Variants in CUX1 observed in about 807,000 individuals in gnomAD.
CUX1 encodes cut like homeobox 1, also known as protein CASP.
Under a neutral mutation model 158.8 loss-of-function variants are expected in CUX1, and 31 were observed. The observed-to-expected ratio is 0.20, with a 90% CI of 0.15 to 0.26. The LOEUF (loss-of-function observed/expected upper bound fraction) is 0.26. CUX1 is among the 10% of genes least tolerant of loss of function. The pLI, the probability that CUX1 is intolerant of heterozygous loss-of-function variation, is 1.00. For synonymous variants in CUX1, 879 were observed against 862.1 expected (o/e 1.02, Z -0.34); for missense variants, 1,589 against 2,014.6 (o/e 0.79, Z 4.04).
chr7:102,178,955 C>T (rs543002193), intron 11 of CUX1, among the ~76,000 whole-genome samples: 1 of 152,360 alleles, frequency 6.6e-6, no homozygotes, highest in South Asian at 2.1e-4. Context: ...GCCTCCGCCT[C>T]CCAGGTTCAA....
chr7:102,141,157 T>C (rs1554500094), intron 8 of CUX1, among the ~76,000 whole-genome samples: 2 of 152,022 alleles, frequency 1.3e-5, no homozygotes, highest in East Asian at 1.9e-4. Flanking sequence ...CGCTGAATTA[T>C]TCATTTTCAA....
chr7:101,829,544 C>T (rs1793749741), intron 1 of CUX1, among the ~76,000 whole-genome samples: 1 of 152,072 alleles, frequency 6.6e-6, no homozygotes, highest in African/African-American at 2.4e-5. Context: ...TCCCGACCTG[C>T]GCTGTTCCCT....
intron 20 of CUX1, among the ~76,000 whole-genome samples, chr7:102,216,542 A>G (rs427379): frequency 2.6e-5 from 2 of 76,652 alleles, no homozygotes; most frequent in East Asian, 2.0e-3. Context: ...CCCCACACAC[A>G]CACACCCACA....
chr7:102,085,522 C>T (rs60012967), intron 4 of CUX1, among the ~76,000 whole-genome samples: 8,446 of 150,452 alleles, frequency 0.056, 747 homozygotes, highest in African/African-American at 0.2. Context: ...TCCCGCTTTG[C>T]TTGTCACTCC....
In CUX1 at chr7:101,869,206, C is replaced by T. The variant is rs1446711054; in HGVS notation, c.31-46909C>T. 6.6e-6 allele frequency among the ~76,000 whole-genome samples: 1 copy of T among 152,058 alleles called. No homozygotes were observed. The highest frequency in any genetic ancestry group is 1.5e-5 in the Non-Finnish European group (1 of 67,990). On this transcript the variant is annotated intron_variant, in intron 1 of 23. Transcript: ENST00000292535. This position sits in a 1 kb window ranked among gnomAD's most constrained non-coding sequence, Gnocchi z 4.5. ...GGGAGACCAGGATGAGCCCCATGTG[C>T]GCGTGACCTGTGGCAGAGGGGCTGT...
intron 20 of CUX1, among the ~76,000 whole-genome samples, chr7:102,226,149 G>A (rs1379543687): frequency 6.6e-6 from 1 of 152,204 alleles, no homozygotes; most frequent in African/African-American, 2.4e-5. Context: ...CACCAACAGA[G>A]CCCAGCTGGC....
intron 11 of CUX1, among the ~76,000 whole-genome samples, chr7:102,184,774 G>A (rs1793467296): frequency 6.6e-6 from 1 of 152,136 alleles, no homozygotes; most frequent in African/African-American, 2.4e-5. Context: ...AGCCTCCCAA[G>A]TAGCTGGAAC....
At chr7:102,183,659 A>G (rs1793355086) in intron 11 of CUX1, among the ~76,000 whole-genome samples, 1 of 151,714 alleles carries the variant, frequency 6.6e-6, no homozygotes, top group South Asian at 2.1e-4. Context: ...TGTGCCTCAG[A>G]CCCCTGCCCT....
At chr7:102,056,571 A>G (rs1824154795) in intron 3 of CUX1, among the ~76,000 whole-genome samples, 1 of 152,194 alleles carries the variant, frequency 6.6e-6, no homozygotes, top group East Asian at 1.9e-4. Context: ...CAGAATAAAA[A>G]AAGGTTCTTT....
At chr7:102,138,380 A>G (rs1834119400) in intron 8 of CUX1, among the ~76,000 whole-genome samples, 1 of 152,054 alleles carries the variant, frequency 6.6e-6, no homozygotes. Flanking sequence ...AATTCACAGT[A>G]TCTCTGTCCT....
At chr7:102,077,196 C>T (rs1826850403) in intron 4 of CUX1, among the ~76,000 whole-genome samples, 1 of 151,754 alleles carries the variant, frequency 6.6e-6, no homozygotes, top group Admixed American at 6.6e-5. Context: ...CAACTGGGGC[C>T]AGGAGAAGAA....
Position 101,890,523 on chromosome 7 carries a change from GC to G in CUX1, c.31-25589del, listed in dbSNP as rs373445997. ...TGAGGGGTGCAAAGTGCTCAGCAAG[GC>G]CCGGCACCAGGTTTGTTCTTGGGAT... On this transcript the variant is annotated intron_variant, in intron 1 of 23. Coordinates refer to ENST00000292535, the MANE Select transcript of CUX1 (RefSeq NM_181552.4). 5.6e-3 allele frequency among the ~76,000 whole-genome samples: 854 copies of G among 152,192 alleles called. 9 individuals carry two copies. The highest frequency in any genetic ancestry group is 0.02 in the African/African-American group (818 of 41,506).
At chr7:101,981,445 G>A (rs190852110) in intron 2 of CUX1, among the ~76,000 whole-genome samples, 21 of 152,318 alleles carry the variant, frequency 1.4e-4, no homozygotes, top group African/African-American at 4.3e-4. Context: ...CCTGGGCTAC[G>A]TGGAATAGCC....
At chr7:101,864,800 C>G (rs759405886) in intron 1 of CUX1, among the ~76,000 whole-genome samples, 3 of 152,184 alleles carry the variant, frequency 2.0e-5, no homozygotes, top group Non-Finnish European at 4.4e-5. Context: ...ATCCACCTGC[C>G]TTGGCCTCCC....
intron 3 of CUX1, among the ~76,000 whole-genome samples, chr7:102,064,933 C>T (rs770582725): frequency 6.6e-6 from 1 of 152,074 alleles, no homozygotes; most frequent in Non-Finnish European, 1.5e-5. Flanking sequence ...TTTGAGTGGA[C>T]GGAGAGGTTA....
chr7:102,127,191 AT>A (rs1273326834), intron 8 of CUX1, among the ~76,000 whole-genome samples: 1 of 152,100 alleles, frequency 6.6e-6, no homozygotes, highest in Non-Finnish European at 1.5e-5. Context: ...CCTGATCTAT[AT>A]AGTGCTTTCT....
intron 21 of CUX1, among the ~76,000 whole-genome samples, chr7:102,227,957 T>TC (rs1554529291): frequency 2.1e-5 from 3 of 145,206 alleles, no homozygotes; most frequent in South Asian, 2.2e-4. Context: ...TTTTCTTTTT[T>TC]TTTTTTTTTT....
At chr7:102,046,466 C>G (rs1822814264) in intron 3 of CUX1, among the ~76,000 whole-genome samples, 1 of 152,070 alleles carries the variant, frequency 6.6e-6, no homozygotes, top group African/African-American at 2.4e-5. Context: ...CTCCTCACTT[C>G]AAGTGATCCA....
At chr7:102,136,649 A>G (rs1554498843) in intron 8 of CUX1, among the ~76,000 whole-genome samples, 1 of 152,206 alleles carries the variant, frequency 6.6e-6, no homozygotes, top group Admixed American at 6.5e-5. Context: ...TTGGCCTCCC[A>G]AAGTGCTGGG....
Sources: allele counts gnomAD v4.1 joint callset (sites outside exome capture counted in the v4.1 genomes callset), GRCh38; gene constraint gnomAD v4.1.1; non-coding constraint Gnocchi (gnomAD v3.1); transcripts MANE v1.5; gene names NCBI Gene and HGNC (gene_info 2026-07-23, HGNC 2026-07-21).